SLC6A18: variants seen among roughly 807,000 people sequenced by gnomAD.
SLC6A18 encodes the protein solute carrier family 6 member 18, also known as inactive sodium-dependent neutral amino acid transporter B(0)AT3.
In SLC6A18, 58 loss-of-function variants were observed where a neutral mutation model predicts 62.9. That is an observed-to-expected ratio of 0.92 (90% CI 0.75 to 1.15). The LOEUF is 1.15. Among genes scored for constraint, SLC6A18 ranks in the 50% most tolerant of loss-of-function variants. SLC6A18 has a pLI of 0.00. For synonymous variants in SLC6A18, 382 were observed against 365.8 expected, an observed-to-expected ratio of 1.04 and a Z score of -0.51; for missense variants, 793 against 836.6, an observed-to-expected ratio of 0.95 and a Z score of 0.64.
At chr5:1,231,808 G>A (rs888868559) in intron 1 of SLC6A18, among the ~76,000 whole-genome samples, 3 of 152,118 alleles carry the variant, frequency 2.0e-5, no homozygotes, top group Non-Finnish European at 4.4e-5. Context: ...GTGTGATTCC[G>A]CCAGGCCCCT....
chr5:1,246,161 A>T lies in SLC6A18; in HGVS notation c.*83A>T. 8.4e-7 allele frequency: 1 copy of T among 1,186,178 alleles called. No individual in the cohort carries two copies. Among genetic ancestry groups the T allele is most frequent in the Non-Finnish European group, 1.2e-6 (1 of 868,702 alleles). The allele number at this position is 1,186,178 out of a possible 1,614,324, so 73.5% of individuals were successfully genotyped here. On this transcript the variant is annotated 3_prime_UTR_variant, in exon 12 of 12. Coordinates refer to ENST00000324642, the MANE Select transcript of SLC6A18 (RefSeq NM_182632.3). ...GGGCGGGGCCCCGCCCACAGGGCCG[A>T]CCCCAATACACCAGCGACTCAACCT...
intron 1 of SLC6A18, among the ~76,000 whole-genome samples, chr5:1,230,137 G>T (rs1746691043): frequency 6.7e-6 from 1 of 148,718 alleles, no homozygotes; most frequent in Non-Finnish European, 1.5e-5. Flanking sequence ...GGGAAGAGGG[G>T]CTTTCACAGT....
Position 1,243,493 on chromosome 5 carries a change from C to CGTGTGTGTGTGGTGGA in SLC6A18, c.1132-50_1132-35dup. The CGTGTGTGTGTGGTGGA allele has an allele frequency of 1.3e-6, 2 of 1,530,180 alleles. No homozygotes were observed. Among genetic ancestry groups the CGTGTGTGTGTGGTGGA allele is most frequent in the Non-Finnish European group, 1.8e-6 (2 of 1,116,754 alleles). 94.8% of individuals were successfully genotyped at this position (1,530,180 alleles called of 1,614,324 possible). On this transcript the variant is annotated intron_variant, in intron 8 of 11. Coordinates refer to ENST00000324642, the MANE Select transcript of SLC6A18 (RefSeq NM_182632.3). This position sits in a 1 kb window ranked among gnomAD's most constrained non-coding sequence, Gnocchi z 6.5. ...GGAGAGTGTGTGTCCTGCAGGCAGG[C>CGTGTGTGTGTGGTGGA]GTGTGTGTGTGGTGGAGTGTGTGTG...
chr5:1,242,418 GGC>G, intron 7 of SLC6A18, among the ~76,000 whole-genome samples: 1 of 99,714 alleles, frequency 1.0e-5, no homozygotes, highest in African/African-American at 4.1e-5. Context: ...AGGGGCAGGA[GGC>G]GTCCACACGA....
chr5:1,243,329 C>T lies in SLC6A18; in HGVS notation c.1132-226C>T, dbSNP rs1210087437. Among the ~76,000 whole-genome samples, 1 of 152,172 alleles carries T rather than the reference C, an allele frequency of 6.6e-6. No homozygotes were observed. The highest frequency in any genetic ancestry group is 1.5e-5 in the Non-Finnish European group (1 of 68,018). On this transcript the variant is annotated intron_variant, in intron 8 of 11. Coordinates refer to ENST00000324642, the MANE Select transcript of SLC6A18 (RefSeq NM_182632.3). The surrounding 1 kb of genome is among the most constrained non-coding windows in gnomAD (Gnocchi z 6.5). ...GGCGCTGGTTTCTAGGCCCAGCTGC[C>T]TGCTGTGGGTTATTAAAGGGGAAGG...
intron 6 of SLC6A18, 112 bp downstream of exon 6, chr5:1,239,674 G>T: frequency 1.2e-6 from 1 of 810,726 alleles, no homozygotes; most frequent in Non-Finnish European, 2.0e-6. Context: ...GTGAACCTGA[G>T]ATAAGAACCT....
Position 1,242,879 on chromosome 5 carries a change from C to G in SLC6A18, c.1131+16C>G, listed in dbSNP as rs751011046. 9 of 1,591,474 alleles carry G rather than the reference C, an allele frequency of 5.7e-6. No individual in the cohort carries two copies. In the Admixed American group the frequency reaches 7.0e-5, roughly 12 times the overall value. The stretch of plus-strand genomic sequence containing the variant: ...TCTGGATAAGGTACCTGCACACCCC[C>G]TGGGGTAGCCAGGCAGGGCCGTCCA... On this transcript the variant is annotated intron_variant, in intron 8 of 11. Transcript: ENST00000324642.
intron 6 of SLC6A18, among the ~76,000 whole-genome samples, chr5:1,240,174 CT>C (rs1486399156): frequency 2.4e-4 from 36 of 152,400 alleles, no homozygotes; most frequent in African/African-American, 8.4e-4. Flanking sequence ...TGAACTCACA[CT>C]GGAGCTGCAC....
chr5:1,242,720 C>T lies in SLC6A18; in HGVS notation c.988C>T (p.Leu330Phe), dbSNP rs1314670898. The change falls in exon 8 of 12, where the codon CTC becomes TTC. Residue 330 changes from leucine (L) to phenylalanine (F), a missense_variant. Leu to Phe is a conservative substitution (Grantham distance 22). Coordinates refer to ENST00000324642, the MANE Select transcript of SLC6A18 (RefSeq NM_182632.3). ...EHCLDRNILS[L>F]INDFDFPEQS... is the part of the protein sequence containing the mutation. ...CTGTCCCCGCAGAAACATCCTCAGC[C>T]TCATCAACGACTTTGACTTCCCAGA... 5.6e-6 allele frequency: 9 copies of T among 1,610,838 alleles called. No homozygotes were observed. Among genetic ancestry groups the T allele is most frequent in the African/African-American group, 2.7e-5 (2 of 74,858 alleles).
chr5:1,244,502 G>A (rs888232074), intron 10 of SLC6A18, 106 bp from the exon 11 acceptor site: 7 of 1,544,226 alleles, frequency 4.5e-6, no homozygotes, highest in Non-Finnish European at 6.1e-6. Context: ...GAGCTGCCGA[G>A]GCACCAGAGG....
At chr5:1,233,951 CAGG>C (rs1746814261) in intron 3 of SLC6A18, among the ~76,000 whole-genome samples, 1 of 152,134 alleles carries the variant, frequency 6.6e-6, no homozygotes, top group African/African-American at 2.4e-5. Context: ...CCATGTTAGC[CAGG>C]ATGGTCTCGA....
At position 1,225,588 on chromosome 5, in the gene SLC6A18, A is replaced by G. The variant is rs7724858; in HGVS notation, c.111A>G (p.Gly37=). ...TGAGCTGCACTGGGTTTGCCGTGGG[A>G]CTGGGGAACATTTGGCGGTTCCCAT... The part of the protein sequence containing the change: ...YLLSCTGFAV[G]LGNIWRFPYL... The change falls in exon 1 of 12, where the codon GGA becomes GGG. Residue 37 remains glycine (G), a synonymous_variant. Transcript: ENST00000324642. 0.93 allele frequency: 1,498,021 copies of G among 1,609,998 alleles called. 700,090 individuals are homozygous for G. The highest frequency in any genetic ancestry group is 0.95 in the Non-Finnish European group (1,121,085 of 1,178,134).
chr5:1,233,163 G>A (rs553451139), intron 3 of SLC6A18, among the ~76,000 whole-genome samples: 79 of 152,304 alleles, frequency 5.2e-4, no homozygotes, highest in Middle Eastern at 3.4e-3. Context: ...GTGGTCATGC[G>A]AGGGCACTGC....
Position 1,242,751 on chromosome 5 carries a change from G to A in SLC6A18, c.1019G>A (p.Ser340Asn), listed in dbSNP as rs1747097471. The A allele has an allele frequency of 1.9e-6, 3 of 1,613,712 alleles. No individual in the cohort carries two copies. Among genetic ancestry groups the A allele is most frequent in the African/African-American group, 1.3e-5 (1 of 74,936 alleles). The change falls in exon 8 of 12, where the codon AGC (serine) becomes AAC (asparagine). Residue 340 changes from serine (S) to asparagine (N), a missense_variant. By Grantham distance (46) the Ser-to-Asn change is conservative. Coordinates refer to ENST00000324642, the MANE Select transcript of SLC6A18 (RefSeq NM_182632.3). ...AACGACTTTGACTTCCCAGAGCAGAGCATCTCCAGGGACGACTACCCAGCC... is the reference window on the plus strand; with the variant it reads ...AACGACTTTGACTTCCCAGAGCAGAACATCTCCAGGGACGACTACCCAGCC... ...LINDFDFPEQ[S>N]ISRDDYPAVL... is the part of the protein sequence containing the mutation.
Position 1,235,563 on chromosome 5 carries a change from T to C in SLC6A18, c.522T>C (p.Asn174=), listed in dbSNP as rs1211933389. ...CACTGAACATCACAGCCGACATCAA[T>C]GACAGTGGCTCCATCCAGTGGTGGC... is the stretch of plus-strand genomic sequence containing the variant. ...RQTLNITADI[N]DSGSIQWWLL... Residue 174 remains asparagine (N), a synonymous_variant, in exon 4 of 12, where the codon AAT becomes AAC. Transcript: ENST00000324642. The C allele has an allele frequency of 6.2e-7, 1 of 1,614,068 alleles. No individual in the cohort carries two copies. The highest frequency in any genetic ancestry group is 1.7e-5 in the Admixed American group (1 of 60,034).
chr5:1,228,890 G>A (rs565965641), intron 1 of SLC6A18, among the ~76,000 whole-genome samples: 1 of 152,306 alleles, frequency 6.6e-6, no homozygotes, highest in South Asian at 2.1e-4. Context: ...CACCCAAAAA[G>A]GAGTTGTGTA....
intron 2 of SLC6A18, 57 bp from the exon 3 acceptor site, chr5:1,232,694 G>A: frequency 6.4e-7 from 1 of 1,553,102 alleles, no homozygotes; most frequent in South Asian, 1.2e-5. Context: ...CACTGCTTCT[G>A]GGCAGAGGGA....
At chr5:1,230,710 G>C (rs1181801176) in intron 1 of SLC6A18, among the ~76,000 whole-genome samples, 1 of 152,218 alleles carries the variant, frequency 6.6e-6, no homozygotes, top group Non-Finnish European at 1.5e-5. Flanking sequence ...TGGAGCTGAT[G>C]GGAGATGCCA....
chr5:1,227,900 C>A (rs1348434789), intron 1 of SLC6A18, among the ~76,000 whole-genome samples: 2 of 152,224 alleles, frequency 1.3e-5, no homozygotes, highest in East Asian at 1.9e-4. Context: ...ACCCAGGAAG[C>A]TTTTATGACT....
Sources: gnomAD v4.1 joint callset for allele counts (sites outside exome capture counted in the v4.1 genomes callset) on GRCh38, gnomAD v4.1.1 for gene constraint, Gnocchi (gnomAD v3.1) non-coding constraint, MANE v1.5 for transcripts, NCBI Gene and HGNC (gene_info 2026-07-23, HGNC 2026-07-21) for gene names.